Variants in REDIC1 observed in about 807,000 individuals in gnomAD.
The protein encoded by REDIC1 is HEI10 Interacting Protein 1.
the REDIC1 span, among the ~76,000 whole-genome samples, chr12:39,660,961 C>G: frequency 6.6e-6 from 1 of 151,936 alleles, no homozygotes; most frequent in East Asian, 1.9e-4. Flanking sequence ...CCAGTTCCAC[C>G]CATGTTGCTG....
At chr12:39,670,499 A>G in the REDIC1 span, among the ~76,000 whole-genome samples, 2 of 152,094 alleles carry the variant, frequency 1.3e-5, no homozygotes, top group Non-Finnish European at 2.9e-5. Flanking sequence ...CCTGTCTTTG[A>G]CTTTTGACTG....
the REDIC1 span, among the ~76,000 whole-genome samples, chr12:39,712,356 AC>A: frequency 7.4e-6 from 1 of 134,640 alleles, no homozygotes; most frequent in Non-Finnish European, 1.6e-5. Context: ...ATATATACAT[AC>A]ATACATACAT....
At chr12:39,672,738 A>G in the REDIC1 span, among the ~76,000 whole-genome samples, 1 of 152,126 alleles carries the variant, frequency 6.6e-6, no homozygotes, top group Non-Finnish European at 1.5e-5. Context: ...CACAGGGTCC[A>G]ACTGGTGTCT....
chr12:39,811,232 T>C, the REDIC1 span, among the ~76,000 whole-genome samples: 1 of 152,212 alleles, frequency 6.6e-6, no homozygotes, highest in East Asian at 1.9e-4. Flanking sequence ...TGACTTAATC[T>C]GCTTTTTATT....
chr12:39,728,483 T>G, the REDIC1 span, among the ~76,000 whole-genome samples: 1 of 152,236 alleles, frequency 6.6e-6, no homozygotes, highest in South Asian at 2.1e-4. Flanking sequence ...GCCTTGCATC[T>G]CAGGGATGAA....
chr12:39,807,956 G>T, the REDIC1 span, among the ~76,000 whole-genome samples: 365 of 152,202 alleles, frequency 2.4e-3, 1 homozygote, highest in African/African-American at 8.5e-3. Flanking sequence ...TGGAAGTCAA[G>T]AAATCCAGTA....
At chr12:39,737,239 A>G in the REDIC1 span, among the ~76,000 whole-genome samples, 1 of 152,104 alleles carries the variant, frequency 6.6e-6, no homozygotes, top group Non-Finnish European at 1.5e-5. Flanking sequence ...TTCTGGCAAT[A>G]TGTTTGGATT....
the REDIC1 span, chr12:39,764,474 T>C: frequency 1.9e-6 from 3 of 1,588,586 alleles, no homozygotes; most frequent in Admixed American, 3.8e-5. Context: ...GTATGTAAGA[T>C]ACTCTGCTGT....
the REDIC1 span, among the ~76,000 whole-genome samples, chr12:39,675,657 C>T: frequency 4.9e-4 from 74 of 152,326 alleles, no homozygotes; most frequent in Admixed American, 7.8e-4. Context: ...TTTGAGAAAA[C>T]CAGTGCATTA....
the REDIC1 span, among the ~76,000 whole-genome samples, chr12:39,840,953 C>G: frequency 6.6e-6 from 1 of 152,086 alleles, no homozygotes. Context: ...TCAGACACCT[C>G]GTTCTCCATT....
the REDIC1 span, among the ~76,000 whole-genome samples, chr12:39,640,659 T>G: frequency 6.6e-6 from 1 of 151,918 alleles, no homozygotes; most frequent in African/African-American, 2.4e-5. Flanking sequence ...GGATATATTC[T>G]TTCCAATGCA....
the REDIC1 span, among the ~76,000 whole-genome samples, chr12:39,712,797 A>G: frequency 7.1e-5 from 7 of 98,474 alleles, no homozygotes; most frequent in Non-Finnish European, 1.6e-4. Flanking sequence ...GTATATGTAT[A>G]TATGTGTATA....
the REDIC1 span, among the ~76,000 whole-genome samples, chr12:39,730,450 G>A: frequency 6.6e-6 from 1 of 152,168 alleles, no homozygotes; most frequent in Non-Finnish European, 1.5e-5. Flanking sequence ...ATTCTGGGTT[G>A]AAAATTCTTT....
At chr12:39,888,281 G>A in the REDIC1 span, among the ~76,000 whole-genome samples, 1 of 152,166 alleles carries the variant, frequency 6.6e-6, no homozygotes, top group Admixed American at 6.5e-5. Flanking sequence ...CTGGAGTGCA[G>A]TGGTGTGATC....
the REDIC1 span, among the ~76,000 whole-genome samples, chr12:39,723,055 A>G: frequency 2.6e-5 from 4 of 152,286 alleles, no homozygotes; most frequent in South Asian, 8.3e-4. Context: ...ACCAAGGCTC[A>G]GGTGAGCTTC....
the REDIC1 span, among the ~76,000 whole-genome samples, chr12:39,769,476 A>C: frequency 9.7e-4 from 148 of 152,218 alleles, no homozygotes; most frequent in African/African-American, 3.2e-3. Flanking sequence ...ATTTTTCTCT[A>C]TCAGCTTCTA....
chr12:39,854,728 A>G, the REDIC1 span, among the ~76,000 whole-genome samples: 3 of 152,118 alleles, frequency 2.0e-5, no homozygotes, highest in Admixed American at 1.3e-4. Context: ...GCCTTGACCT[A>G]GTATCCAAGG....
chr12:39,674,198 G>A, the REDIC1 span, among the ~76,000 whole-genome samples: 194 of 152,032 alleles, frequency 1.3e-3, 1 homozygote, highest in East Asian at 0.029. Flanking sequence ...TCTGTTTGCT[G>A]TTTTAGCATT....
the REDIC1 span, among the ~76,000 whole-genome samples, chr12:39,873,523 A>G: frequency 6.6e-6 from 1 of 152,358 alleles, no homozygotes; most frequent in South Asian, 2.1e-4. Flanking sequence ...AGAAAATTCA[A>G]ATATTTAAAG....
Sources: allele counts gnomAD v4.1 joint callset (sites outside exome capture counted in the v4.1 genomes callset), GRCh38; gene constraint gnomAD v4.1.1; transcripts MANE v1.5; gene names NCBI Gene and HGNC (gene_info 2026-07-23, HGNC 2026-07-21).